DACH2: variants seen among roughly 807,000 people sequenced by gnomAD.
The protein encoded by DACH2 is dachshund family transcription factor 2.
A neutral mutation model predicts 35.8 loss-of-function variants in DACH2; 17 were observed. That is an observed-to-expected ratio of 0.48 (90% CI 0.33 to 0.71). DACH2 has a LOEUF of 0.71. Ranked by LOEUF, DACH2 falls within the 30% of genes least tolerant of loss-of-function variation. DACH2 has a pLI of 0.02. For missense variants in DACH2, 469 were observed against 472.7 expected, an observed-to-expected ratio of 0.99 and a Z score of 0.07; for synonymous variants, 195 against 177.3, an observed-to-expected ratio of 1.10 and a Z score of -0.79.
chrX:86,502,149 A>G (rs959872865), intron 2 of DACH2, among the ~76,000 whole-genome samples: 1 of 111,250 alleles, frequency 9.0e-6, no homozygotes, highest in Non-Finnish European at 1.9e-5. Context: ...CAGTAAACTT[A>G]AGAGTCTGGA....
chrX:86,307,240 G>T (rs1455808474), intron 1 of DACH2, among the ~76,000 whole-genome samples: 2 of 111,998 alleles, frequency 1.8e-5, no homozygotes, highest in African/African-American at 6.5e-5. Flanking sequence ...AATCTGCTAA[G>T]ATTGCCCTGA....
At chrX:86,611,151 G>A (rs749777721) in intron 3 of DACH2, among the ~76,000 whole-genome samples, 2 of 110,562 alleles carry the variant, frequency 1.8e-5, no homozygotes, top group African/African-American at 6.6e-5. Flanking sequence ...TTAGGTTTGA[G>A]CTCTTGCCTT....
chrX:86,379,566 G>T (rs891339045), intron 2 of DACH2, among the ~76,000 whole-genome samples: 2 of 110,699 alleles, frequency 1.8e-5, no homozygotes, highest in Admixed American at 9.7e-5. Flanking sequence ...TGGTCACAAT[G>T]ATTTGTACCA....
intron 3 of DACH2, among the ~76,000 whole-genome samples, chrX:86,581,152 A>G (rs766796783): frequency 8.3e-4 from 93 of 111,714 alleles, no homozygotes; most frequent in African/African-American, 2.9e-3. Flanking sequence ...AAGGAGAAAT[A>G]AGATCCTTCT....
chrX:86,534,083 C>T (rs1474924774), intron 3 of DACH2, among the ~76,000 whole-genome samples: 1 of 112,078 alleles, frequency 8.9e-6, no homozygotes, highest in African/African-American at 3.2e-5. Flanking sequence ...TAGCAAATTC[C>T]CTATAGCCTG....
At chrX:86,639,252 C>T in intron 3 of DACH2, among the ~76,000 whole-genome samples, 1 of 111,435 alleles carries the variant, frequency 9.0e-6, no homozygotes, top group Non-Finnish European at 1.9e-5. Context: ...GACCTGGGAG[C>T]AACATGGAGC....
chrX:86,255,612 T>C (rs1032680034), intron 1 of DACH2, among the ~76,000 whole-genome samples: 2 of 111,427 alleles, frequency 1.8e-5, no homozygotes, highest in Non-Finnish European at 3.8e-5. Flanking sequence ...GACATGTAAA[T>C]AGAACCTAGC....
chrX:86,477,470 T>C (rs2148229768), intron 2 of DACH2, among the ~76,000 whole-genome samples: 1 of 107,486 alleles, frequency 9.3e-6, no homozygotes, highest in South Asian at 4.0e-4. Flanking sequence ...TAGTCTGATA[T>C]ATTTATAGTG....
chrX:86,724,646 A>G (rs757043653), intron 6 of DACH2, among the ~76,000 whole-genome samples: 6 of 111,218 alleles, frequency 5.4e-5, no homozygotes, highest in Non-Finnish European at 9.4e-5. Context: ...GATTTTAGTT[A>G]TTTTGACTAG....
At chrX:86,603,017 CGTA>C (rs1447950681) in intron 3 of DACH2, among the ~76,000 whole-genome samples, 1 of 111,183 alleles carries the variant, frequency 9.0e-6, no homozygotes, top group Non-Finnish European at 1.9e-5. Flanking sequence ...AACTTGTTGG[CGTA>C]AACAACAGAA....
At chrX:86,416,434 G>T (rs548559984) in intron 2 of DACH2, among the ~76,000 whole-genome samples, 2 of 111,818 alleles carry the variant, frequency 1.8e-5, no homozygotes, top group Non-Finnish European at 3.8e-5. Context: ...TATTCAAGGT[G>T]TATGTGTGTG....
At chrX:86,270,039 AT>A (rs764916607) in intron 1 of DACH2, among the ~76,000 whole-genome samples, 4,639 of 93,967 alleles carry the variant, frequency 0.049, 320 homozygotes, top group African/African-American at 0.16. Flanking sequence ...ATATATATAT[AT>A]TTTTTTTTTT....
chrX:86,519,326 A>T (rs2038517880), intron 3 of DACH2, among the ~76,000 whole-genome samples: 1 of 111,874 alleles, frequency 8.9e-6, no homozygotes, highest in African/African-American at 3.2e-5. Context: ...TTTTTCATCG[A>T]TGTTCATGAA....
chrX:86,699,697 T>C (rs2041116913), intron 5 of DACH2, among the ~76,000 whole-genome samples: 1 of 111,828 alleles, frequency 8.9e-6, no homozygotes, highest in Non-Finnish European at 1.9e-5. Context: ...ACAATTTATT[T>C]TATTTCAGTT....
chrX:86,718,668 A>G (rs1012373988), intron 6 of DACH2, among the ~76,000 whole-genome samples: 1 of 111,812 alleles, frequency 8.9e-6, no homozygotes, highest in Non-Finnish European at 1.9e-5. Flanking sequence ...GCTGAAAGAT[A>G]AGGGTCCAAT....
chrX:86,291,222 G>C (rs1383649808), intron 1 of DACH2, among the ~76,000 whole-genome samples: 1 of 108,911 alleles, frequency 9.2e-6, no homozygotes, highest in Non-Finnish European at 1.9e-5. Flanking sequence ...TTGGCTGTCT[G>C]TTTGTCTGTT....
rs180943492 is a variant in DACH2, at chrX:86,581,893, C to T, written c.640+67502C>T. Among the ~76,000 whole-genome samples the T allele has an allele frequency of 2.0e-3, 226 of 111,201 alleles. 2 individuals are homozygous for T. Among genetic ancestry groups the T allele is most frequent in the African/African-American group, 7.0e-3 (216 of 30,686 alleles). On this transcript the variant is annotated intron_variant, in intron 3 of 11. Transcript: ENST00000373125. ...ACTCAACACTTGACCAATAAGCCTACCCTAAAACAACAGAATATACATTCT... is the reference window on the plus strand; with the variant it reads ...ACTCAACACTTGACCAATAAGCCTATCCTAAAACAACAGAATATACATTCT...
At chrX:86,441,531 C>T (rs1416040218) in intron 2 of DACH2, among the ~76,000 whole-genome samples, 1 of 101,335 alleles carries the variant, frequency 9.9e-6, no homozygotes, top group Non-Finnish European at 2.0e-5. Context: ...ACCACATTTT[C>T]TTTATCCATT....
At position 86,637,226 on chromosome X, in the gene DACH2, A is replaced by T. The variant is rs947817280; in HGVS notation, c.641-13810A>T. The stretch of plus-strand genomic sequence containing the variant: ...AAAGCCAAAAAAAAAAAAAAAAAAA[A>T]AAAAAAAAAAAAAAAAAAAACAGAT... On this transcript the variant is annotated intron_variant, in intron 3 of 11. Coordinates refer to ENST00000373125, the MANE Select transcript of DACH2 (RefSeq NM_053281.3). Among the ~76,000 whole-genome samples the T allele has an allele frequency of 7.5e-3, 680 of 90,453 alleles. 9 individuals are homozygous for T. The highest frequency in any genetic ancestry group is 0.026 in the African/African-American group (640 of 24,924). 78.5% of individuals were successfully genotyped at this position (90,453 alleles called of 115,157 possible). A position where few individuals can be genotyped will look rare whatever the true frequency, so the allele number is the denominator to read the frequency against.
Sources: allele counts gnomAD v4.1 joint callset (sites outside exome capture counted in the v4.1 genomes callset), GRCh38; gene constraint gnomAD v4.1.1; transcripts MANE v1.5; gene names NCBI Gene and HGNC (gene_info 2026-07-23, HGNC 2026-07-21).